MITF: variants seen among roughly 807,000 people sequenced by gnomAD.
MITF encodes the protein melanocyte inducing transcription factor.
A neutral mutation model predicts 60.5 loss-of-function variants in MITF; 17 were observed. The observed-to-expected ratio is 0.28, with a 90% confidence interval of 0.19 to 0.42. The LOEUF (loss-of-function observed/expected upper bound fraction) is 0.42. MITF is among the 10% of genes least tolerant of loss of function. The pLI, the probability that MITF is intolerant of heterozygous loss-of-function variation, is 1.00. For missense variants in MITF, 622 were observed against 683.5 expected (o/e 0.91, Z 1.00); for synonymous variants, 260 against 248.5 (o/e 1.05, Z -0.43).
chr3:69,888,002 A>C (rs992320288), intron 2 of MITF, among the ~76,000 whole-genome samples: 20 of 152,094 alleles, frequency 1.3e-4, no homozygotes, highest in East Asian at 1.2e-3. Context: ...AAGGTGTAGG[A>C]ATCCTGCAAA....
intron 2 of MITF, among the ~76,000 whole-genome samples, chr3:69,924,970 A>G (rs1463408306): frequency 1.3e-5 from 2 of 152,028 alleles, no homozygotes; most frequent in African/African-American, 4.8e-5. Context: ...AAGAGGCTGA[A>G]TATTTCCTTC....
intron 2 of MITF, among the ~76,000 whole-genome samples, chr3:69,892,658 T>G (rs1457343758): frequency 7.2e-5 from 11 of 152,210 alleles, no homozygotes; most frequent in Non-Finnish European, 1.6e-4. Context: ...GTTATTTAAA[T>G]TCTACTTTTA....
At chr3:69,943,416 C>T (rs2066017053) in intron 5 of MITF, among the ~76,000 whole-genome samples, 1 of 152,120 alleles carries the variant, frequency 6.6e-6, no homozygotes, top group Non-Finnish European at 1.5e-5. Flanking sequence ...TGAAACCCTA[C>T]ATTTCCCCAT....
chr3:69,802,159 C>G (rs2062931996), intron 1 of MITF, among the ~76,000 whole-genome samples: 2 of 152,140 alleles, frequency 1.3e-5, no homozygotes. Context: ...AGACATTGGG[C>G]AATGTCTGGA....
chr3:69,940,896 T>C (rs1322705107), intron 4 of MITF, among the ~76,000 whole-genome samples: 1 of 152,290 alleles, frequency 6.6e-6, no homozygotes, highest in East Asian at 1.9e-4. Flanking sequence ...TCTCATTTAT[T>C]TCACCTGGAA....
intron 1 of MITF, among the ~76,000 whole-genome samples, chr3:69,876,989 A>C (rs1258208770): frequency 6.6e-6 from 1 of 152,208 alleles, no homozygotes; most frequent in Non-Finnish European, 1.5e-5. Flanking sequence ...CCTGGCAACT[A>C]TCGTGATCTT....
chr3:69,786,788 T>G (rs1056664256), intron 1 of MITF, among the ~76,000 whole-genome samples: 3 of 152,206 alleles, frequency 2.0e-5, no homozygotes, highest in African/African-American at 7.2e-5. Context: ...AGGAGCATAT[T>G]AGGTAAAAAT....
chr3:69,799,322 A>G (rs2062879786), intron 1 of MITF, among the ~76,000 whole-genome samples: 1 of 152,186 alleles, frequency 6.6e-6, no homozygotes, highest in Admixed American at 6.5e-5. Context: ...GGAGGGAGGA[A>G]GAAGCTGAGC....
chr3:69,800,441 G>T (rs2106948707), intron 1 of MITF, among the ~76,000 whole-genome samples: 2 of 152,176 alleles, frequency 1.3e-5, no homozygotes, highest in African/African-American at 4.8e-5. Context: ...CAGTTCTCTT[G>T]AGTATTTACC....
chr3:69,883,075 C>A (rs17006565), intron 2 of MITF, among the ~76,000 whole-genome samples: 7,653 of 152,136 alleles, frequency 0.05, 461 homozygotes, highest in African/African-American at 0.15. Context: ...CGGATTGTCC[C>A]TTGAATTTTT....
chr3:69,847,182 T>C (rs1333243512), intron 1 of MITF, among the ~76,000 whole-genome samples: 3 of 152,184 alleles, frequency 2.0e-5, no homozygotes, highest in Admixed American at 1.3e-4. Context: ...AGTTGTTGTA[T>C]CCGTTTTTTT....
chr3:69,821,642 T>C (rs1423226345), intron 1 of MITF, among the ~76,000 whole-genome samples: 2 of 120,034 alleles, frequency 1.7e-5, no homozygotes, highest in Non-Finnish European at 3.4e-5. Context: ...CCATCAAGGC[T>C]AATATTAGGA....
At chr3:69,789,173 A>G (rs1443689120) in intron 1 of MITF, among the ~76,000 whole-genome samples, 1 of 152,246 alleles carries the variant, frequency 6.6e-6, no homozygotes, top group African/African-American at 2.4e-5. Context: ...TGTGCATCAA[A>G]TGACACAATC....
chr3:69,933,692 T>C (rs1037861384), intron 2 of MITF, among the ~76,000 whole-genome samples: 3 of 152,210 alleles, frequency 2.0e-5, no homozygotes, highest in Admixed American at 2.0e-4. Flanking sequence ...TTTTGCTGTC[T>C]ATACTTCAGG....
intron 2 of MITF, among the ~76,000 whole-genome samples, chr3:69,915,790 C>G (rs2065321336): frequency 6.6e-6 from 1 of 152,118 alleles, no homozygotes; most frequent in Non-Finnish European, 1.5e-5. Context: ...TCTATTGCAC[C>G]AATAATTCAG....
At position 69,937,388 on chromosome 3, in the gene MITF, G is replaced by A. The variant is rs571501475; in HGVS notation, c.355-434G>A. ...GAGGTGTGTGTGTGTGTGTGTGTGT[G>A]TGTGTGTGTGTGTGTGTTTTAAAAA... On this transcript the variant is annotated intron_variant, in intron 2 of 9. Transcript: ENST00000352241. Among the ~76,000 whole-genome samples the A allele has an allele frequency of 1.6e-4, 24 of 151,986 alleles. No homozygotes were observed. The East Asian group carries it at 4.3e-3, about 27-fold the overall frequency.
intron 5 of MITF, among the ~76,000 whole-genome samples, chr3:69,946,530 G>A (rs1007152907): frequency 2.0e-5 from 3 of 152,098 alleles, no homozygotes; most frequent in Non-Finnish European, 2.9e-5. Flanking sequence ...TTTTCTTTCT[G>A]TAAAAAGCAG....
intron 1 of MITF, among the ~76,000 whole-genome samples, chr3:69,774,245 G>T (rs1431456587): frequency 6.6e-6 from 1 of 152,164 alleles, no homozygotes; most frequent in Non-Finnish European, 1.5e-5. Context: ...ATTTGGCTCT[G>T]CCCCAAAGTT....
rs879474193 is a variant in MITF, at chr3:69,920,140, A to T, written c.355-17682A>T. 2.3e-4 allele frequency among the ~76,000 whole-genome samples: 35 copies of T among 152,304 alleles called. 1 individual carries two copies. Among genetic ancestry groups the T allele is most frequent in the Non-Finnish European group, 2.6e-4 (18 of 68,032 alleles). On this transcript the variant is annotated intron_variant, in intron 2 of 9. Coordinates refer to ENST00000352241, the MANE Select transcript of MITF (RefSeq NM_001354604.2). ...GGACTTAGTGAGGTGTGACCAGAAG[A>T]CAAGAGTGCGAGCCTTCTGTTATGC...
Sources: gnomAD v4.1 joint callset for allele counts (sites outside exome capture counted in the v4.1 genomes callset) on GRCh38, gnomAD v4.1.1 for gene constraint, MANE v1.5 for transcripts, NCBI Gene and HGNC (gene_info 2026-07-23, HGNC 2026-07-21) for gene names.